NDUFAF6: variants seen among roughly 807,000 people sequenced by gnomAD.
The protein encoded by NDUFAF6 is NADH:ubiquinone oxidoreductase complex assembly factor 6.
In NDUFAF6, 45 loss-of-function variants were observed where a neutral mutation model predicts 40.8. The ratio of observed to expected loss-of-function variants is 1.10; its 90% CI spans 0.87 to 1.42. The LOEUF (loss-of-function observed/expected upper bound fraction) is 1.42, where lower values mean the gene tolerates loss of function less well. NDUFAF6 is among the 40% of genes most tolerant of loss of function. The pLI, the probability that NDUFAF6 is intolerant of heterozygous loss-of-function variation, is 0.00. For missense variants in NDUFAF6, 435 were observed against 418.5 expected, an observed-to-expected ratio of 1.04 and a Z score of -0.34; for synonymous variants, 185 against 155.9, an observed-to-expected ratio of 1.19 and a Z score of -1.39.
chr8:95,013,715 A>G (rs1827321277), intron 2 of NDUFAF6, among the ~76,000 whole-genome samples: 1 of 152,216 alleles, frequency 6.6e-6, no homozygotes, highest in Admixed American at 6.5e-5. Flanking sequence ...ACATAAGTAT[A>G]TAATATGTCA....
chr8:95,092,418 G>A (rs1408958269), intron 2 of NDUFAF6, among the ~76,000 whole-genome samples: 1 of 151,842 alleles, frequency 6.6e-6, no homozygotes, highest in Admixed American at 6.6e-5. Context: ...CTGATCTCAA[G>A]TGAGCCACCC....
intron 2 of NDUFAF6, among the ~76,000 whole-genome samples, chr8:95,016,931 C>CT (rs34316218): frequency 0.016 from 1,718 of 108,000 alleles, 39 homozygotes; most frequent in Middle Eastern, 0.037. Flanking sequence ...TCCTCCTCCT[C>CT]TTTTTTTTTT....
chr8:94,920,105 A>T (rs544935230), intron 1 of NDUFAF6, among the ~76,000 whole-genome samples: 1 of 152,294 alleles, frequency 6.6e-6, no homozygotes, highest in South Asian at 2.1e-4. Flanking sequence ...TAACAGTTTG[A>T]TATATAATGA....
At chr8:95,042,312 C>T (rs1427346484) in intron 4 of NDUFAF6, among the ~76,000 whole-genome samples, 1 of 152,144 alleles carries the variant, frequency 6.6e-6, no homozygotes, top group East Asian at 1.9e-4. Context: ...ATATTAATTA[C>T]ATGCTGTTGT....
At chr8:95,034,190 C>G (rs1050859735) in intron 2 of NDUFAF6, 2 of 416,790 alleles carry the variant, frequency 4.8e-6, no homozygotes, top group Non-Finnish European at 4.9e-6. Flanking sequence ...GTTATTCTGT[C>G]TACATATGTA....
At position 95,052,198 on chromosome 8, in the gene NDUFAF6, C is replaced by G. The variant is rs1224421127; in HGVS notation, c.841C>G (p.Pro281Ala). Reference sequence around the variant, plus strand: ...GGCTAGGTCCTTTCACAAAACTGTTCCTGTGAAAGCATTTCCTGCTTTTCT... The same window carrying G: ...GGCTAGGTCCTTTCACAAAACTGTTGCTGTGAAAGCATTTCCTGCTTTTCT... ...KHARSFHKTV[P>A]VKAFPAFLQT... is the part of the protein sequence containing the mutation. Residue 281 changes from proline to alanine, a missense_variant, in exon 8 of 9, where the codon CCT becomes GCT. Physicochemically the swap from Pro to Ala is conservative, Grantham distance 27 (BLOSUM62 -1). Coordinates refer to ENST00000396124, the MANE Select transcript of NDUFAF6 (RefSeq NM_152416.4). The G allele has an allele frequency of 2.5e-6, 4 of 1,613,988 alleles. No homozygotes were observed. Among genetic ancestry groups the G allele is most frequent in the Admixed American group, 3.3e-5 (2 of 60,012 alleles).
At chr8:95,105,058 CACACACACAG>C (rs1809782027), downstream of NDUFAF6, among the ~76,000 whole-genome samples, 6 of 62,404 alleles carry the variant, frequency 9.6e-5, no homozygotes, top group African/African-American at 3.8e-4. Context: ...CACACACACA[CACACACACAG>C]AGAGAGAGAG....
intron 1 of NDUFAF6, among the ~76,000 whole-genome samples, chr8:94,925,511 C>T (rs534625409): frequency 6.6e-6 from 1 of 151,256 alleles, no homozygotes; most frequent in Non-Finnish European, 1.5e-5. Flanking sequence ...AATTCCTGTT[C>T]ACTTAAGTGA....
intron 3 of NDUFAF6, chr8:95,040,979 A>G (rs981543894): frequency 6.6e-6 from 1 of 152,370 alleles, no homozygotes; most frequent in Non-Finnish European, 1.5e-5. Context: ...ACAATTTACC[A>G]TGTGGATTAT....
At chr8:94,961,923 T>G (rs1449469223) in intron 1 of NDUFAF6, among the ~76,000 whole-genome samples, 1 of 152,180 alleles carries the variant, frequency 6.6e-6, no homozygotes, top group African/African-American at 2.4e-5. Flanking sequence ...TATCACAGAT[T>G]GCCAGGGCCC....
In NDUFAF6 at chr8:94,930,573, C is replaced by G. The variant is rs185282859; in HGVS notation, c.-935-14910C>G. ...GCAATCCCTGGTAAGATTTTGGCGACGAAGGCTATTTCTGTTAAGAGGCTG... is the reference window on the plus strand; with the variant it reads ...GCAATCCCTGGTAAGATTTTGGCGAGGAAGGCTATTTCTGTTAAGAGGCTG... On this transcript the variant is annotated intron_variant, in intron 1 of 14. Transcript: ENST00000396113. The G allele has an allele frequency of 1.4e-5, 22 of 1,614,066 alleles. No individual in the cohort carries two copies. Among genetic ancestry groups the G allele is most frequent in the Admixed American group, 3.3e-5 (2 of 59,994 alleles).
downstream of NDUFAF6, among the ~76,000 whole-genome samples, chr8:95,062,565 C>G (rs372608155): frequency 1.3e-4 from 20 of 152,308 alleles, no homozygotes; most frequent in South Asian, 4.1e-3. Context: ...CTCAGCCTGA[C>G]TCAAACATTC....
At chr8:94,948,210 C>T (rs902986176) in intron 2 of NDUFAF6, among the ~76,000 whole-genome samples, 1 of 152,176 alleles carries the variant, frequency 6.6e-6, no homozygotes, top group African/African-American at 2.4e-5. Context: ...AGGTAAAATT[C>T]AGCTGCCACT....
intron 2 of NDUFAF6, among the ~76,000 whole-genome samples, chr8:95,007,082 C>A (rs1827024596): frequency 6.6e-6 from 1 of 151,532 alleles, no homozygotes; most frequent in African/African-American, 2.4e-5. Flanking sequence ...GTTTCTTATA[C>A]TATAGTTCCT....
At chr8:94,980,219 A>G (rs1825306345) in intron 1 of NDUFAF6, among the ~76,000 whole-genome samples, 1 of 149,986 alleles carries the variant, frequency 6.7e-6, no homozygotes, top group Non-Finnish European at 1.5e-5. Flanking sequence ...TTTATTATAT[A>G]TATATATATT....
intron 3 of NDUFAF6, among the ~76,000 whole-genome samples, chr8:95,037,945 G>A (rs1407391792): frequency 6.6e-6 from 1 of 152,222 alleles, no homozygotes; most frequent in Non-Finnish European, 1.5e-5. Context: ...GTGCAGTGGT[G>A]CAAACATGGC....
intron 1 of NDUFAF6, among the ~76,000 whole-genome samples, chr8:94,944,975 C>T (rs1320946732): frequency 2.0e-5 from 3 of 152,166 alleles, no homozygotes; most frequent in Non-Finnish European, 4.4e-5. Context: ...GAGAGACCCT[C>T]CCCCCATTGC....
chr8:95,023,953 A>G (rs1378767999), upstream of NDUFAF6, among the ~76,000 whole-genome samples: 1 of 151,700 alleles, frequency 6.6e-6, no homozygotes, highest in Non-Finnish European at 1.5e-5. Flanking sequence ...ATCAAGCCAC[A>G]GCACTCCAGC....
intron 2 of NDUFAF6, among the ~76,000 whole-genome samples, chr8:95,017,741 G>A (rs1010029118): frequency 6.6e-6 from 1 of 152,122 alleles, no homozygotes; most frequent in Non-Finnish European, 1.5e-5. Context: ...GTCAACTCCT[G>A]CTTTTCTAGT....
Sources: gnomAD v4.1 joint callset for allele counts (sites outside exome capture counted in the v4.1 genomes callset) on GRCh38, gnomAD v4.1.1 for gene constraint, MANE v1.5 for transcripts, NCBI Gene and HGNC (gene_info 2026-07-23, HGNC 2026-07-21) for gene names.